The following GALNT14 variants were observed in gnomAD, a reference collection of about 807,000 sequenced individuals.
The protein encoded by GALNT14 is UDP-GalNAc:polypeptide N-acetylgalactosaminyltransferase 14.
Under a neutral mutation model 77.5 loss-of-function variants are expected in GALNT14, and 60 were observed. That is an observed-to-expected ratio of 0.77 (90% confidence interval 0.63 to 0.96). The LOEUF (loss-of-function observed/expected upper bound fraction) is 0.96. Among genes scored for constraint, GALNT14 ranks in the 40% least tolerant of loss-of-function variants. GALNT14 has a pLI of 0.00. For synonymous variants in GALNT14, 280 were observed against 281.7 expected, an observed-to-expected ratio of 0.99 and a Z score of 0.06; for missense variants, 710 against 731.0, an observed-to-expected ratio of 0.97 and a Z score of 0.33.
At chr2:30,991,238 A>T (rs574100882) in intron 2 of GALNT14, 1 of 151,884 alleles carries the variant, frequency 6.6e-6, no homozygotes, top group East Asian at 1.9e-4. Flanking sequence ...TGGCTAGGAG[A>T]ACTCCCTTTG....
intron 6 of GALNT14, among the ~76,000 whole-genome samples, chr2:30,946,214 C>T (rs1340016668): frequency 6.6e-6 from 1 of 152,156 alleles, no homozygotes; most frequent in African/African-American, 2.4e-5. Flanking sequence ...GCCTTCACCA[C>T]GAGTGGGGCT....
At chr2:31,120,632 C>A (rs1458615284) in intron 1 of GALNT14, among the ~76,000 whole-genome samples, 1 of 152,208 alleles carries the variant, frequency 6.6e-6, no homozygotes, top group Non-Finnish European at 1.5e-5. Context: ...TCTTGGCTCA[C>A]TGCAACCTCT....
intron 1 of GALNT14, among the ~76,000 whole-genome samples, chr2:31,068,088 A>G (rs1262169532): frequency 6.6e-6 from 1 of 152,186 alleles, no homozygotes; most frequent in Non-Finnish European, 1.5e-5. Context: ...AAGGGATTCC[A>G]AGTCCACTCC....
chr2:31,057,636 G>A (rs1240238194), intron 1 of GALNT14, among the ~76,000 whole-genome samples: 1 of 151,968 alleles, frequency 6.6e-6, no homozygotes, highest in African/African-American at 2.4e-5. Context: ...AAATCACCAT[G>A]TGGCAACTAC....
At position 31,106,318 on chromosome 2, in the gene GALNT14, T is replaced by C. The variant is rs1030406474; in HGVS notation, c.129+31640A>G. Among the ~76,000 whole-genome samples the C allele has an allele frequency of 8.5e-5, 13 of 152,198 alleles. No individual in the cohort carries two copies. The South Asian group carries it at 1.0e-3, about 12-fold the overall frequency. On this transcript the variant is annotated intron_variant, in intron 1 of 14. Transcript: ENST00000349752. ...TTTTTATGTCTGTTATTTTTTGTTT[T>C]CTTTCAAGAACTAAAATTATGCTTC...
At chr2:30,951,846 CAA>C in intron 6 of GALNT14, among the ~76,000 whole-genome samples, 1 of 152,230 alleles carries the variant, frequency 6.6e-6, no homozygotes, top group East Asian at 1.9e-4. Context: ...CCCCAATATC[CAA>C]AGAGACCTGG....
At chr2:30,912,548 C>T (rs1300851147) in intron 13 of GALNT14, among the ~76,000 whole-genome samples, 2 of 152,216 alleles carry the variant, frequency 1.3e-5, no homozygotes, top group African/African-American at 2.4e-5. Flanking sequence ...TCTCCATCCA[C>T]CCCATGAAGG....
intron 3 of GALNT14, 149 bp downstream of exon 3, chr2:30,966,055 A>G: frequency 1.6e-6 from 1 of 610,296 alleles, no homozygotes; most frequent in Non-Finnish European, 3.0e-6. Context: ...GGAGTGACTG[A>G]GTGGACACAT....
Position 31,035,606 on chromosome 2 carries a change from C to T in GALNT14, c.130-42599G>A, listed in dbSNP as rs1442734129. Among the ~76,000 whole-genome samples, 412 of 49,748 alleles carry T rather than the reference C, an allele frequency of 8.3e-3. 4 individuals are homozygous for T. Among genetic ancestry groups the T allele is most frequent in the African/African-American group, 0.026 (386 of 14,692 alleles). The allele number at this position is 49,748 out of a possible 152,430, so 32.6% of individuals were successfully genotyped here. A position where few individuals can be genotyped will look rare whatever the true frequency, so the allele number is the denominator to read the frequency against. On this transcript the variant is annotated intron_variant, in intron 1 of 14. Transcript: ENST00000349752. ...GTGTGTATACATATACATATACACA[C>T]ACACACACACCTACACACACACACA...
chr2:31,105,944 G>A (rs1677534833), intron 1 of GALNT14, among the ~76,000 whole-genome samples: 2 of 151,944 alleles, frequency 1.3e-5, no homozygotes, highest in Non-Finnish European at 2.9e-5. Flanking sequence ...AAAAAACACG[G>A]TTCCTATTAT....
the GALNT14 span, among the ~76,000 whole-genome samples, chr2:30,900,251 G>T: frequency 2.6e-5 from 4 of 152,154 alleles, no homozygotes; most frequent in African/African-American, 7.2e-5. Context: ...AATAAATTCT[G>T]TCTTTTGGGG....
At chr2:31,048,615 C>CCCCTGCCTT in intron 1 of GALNT14, among the ~76,000 whole-genome samples, 1 of 150,136 alleles carries the variant, frequency 6.7e-6, no homozygotes, top group East Asian at 2.0e-4. Context: ...TCCCCTGCCT[C>CCCCTGCCTT]CCCTGCCTCC....
At chr2:31,055,245 T>A (rs1019530586) in intron 1 of GALNT14, among the ~76,000 whole-genome samples, 11 of 152,376 alleles carry the variant, frequency 7.2e-5, no homozygotes, top group Non-Finnish European at 1.5e-4. Flanking sequence ...AATGAAGATC[T>A]GGAAAGTGTA....
intron 1 of GALNT14, among the ~76,000 whole-genome samples, chr2:31,090,108 C>T (rs1483844717): frequency 6.6e-6 from 1 of 152,176 alleles, no homozygotes; most frequent in East Asian, 1.9e-4. Flanking sequence ...CTCCCAAGTT[C>T]CCATCATTTC....
At chr2:30,909,692 C>G (rs1664251571), downstream of GALNT14, among the ~76,000 whole-genome samples, 2 of 152,026 alleles carry the variant, frequency 1.3e-5, no homozygotes, top group Non-Finnish European at 2.9e-5. Flanking sequence ...CCATTTGACC[C>G]AGCCATCCCA....
At chr2:31,012,715 T>G (rs2161831) in intron 1 of GALNT14, among the ~76,000 whole-genome samples, 111,353 of 152,042 alleles carry the variant, frequency 0.73, 41,939 homozygotes, top group African/African-American at 0.9. Context: ...TGCCCCTGTG[T>G]GGGTGGGGCC....
intron 1 of GALNT14, among the ~76,000 whole-genome samples, chr2:31,013,505 C>T (rs945926577): frequency 1.3e-5 from 2 of 152,178 alleles, no homozygotes; most frequent in Non-Finnish European, 2.9e-5. Flanking sequence ...TCCATGTCAG[C>T]GGATAATGAA....
chr2:30,995,344 T>C (rs1193213217), intron 1 of GALNT14, among the ~76,000 whole-genome samples: 1 of 152,194 alleles, frequency 6.6e-6, no homozygotes, highest in Non-Finnish European at 1.5e-5. Context: ...TACAAATGTC[T>C]ACAGTATTCG....
At chr2:30,896,078 T>C in the GALNT14 span, among the ~76,000 whole-genome samples, 55 of 152,194 alleles carry the variant, frequency 3.6e-4, no homozygotes, top group African/African-American at 1.2e-3. Flanking sequence ...AATATCTATC[T>C]GGAATACTGC....
Sources: allele counts gnomAD v4.1 joint callset (sites outside exome capture counted in the v4.1 genomes callset), GRCh38; gene constraint gnomAD v4.1.1; transcripts MANE v1.5; gene names NCBI Gene and HGNC (gene_info 2026-07-23, HGNC 2026-07-21).